The following KIF1B variants were observed in gnomAD, a reference collection of about 807,000 sequenced individuals.
KIF1B encodes kinesin family member 1B, also known as kinesin-like protein KIF1B.
KIF1B carries 76 observed loss-of-function variants against 241.9 expected under a neutral mutation model. The observed-to-expected ratio is 0.31, with a 90% confidence interval of 0.26 to 0.38. The LOEUF (loss-of-function observed/expected upper bound fraction) is 0.38. Ranked by LOEUF, KIF1B falls within the 10% of genes least tolerant of loss-of-function variation. The pLI is 1.00. For missense variants in KIF1B, 1,622 were observed against 2,271.4 expected, an observed-to-expected ratio of 0.71 and a Z score of 5.81; for synonymous variants, 750 against 796.7, an observed-to-expected ratio of 0.94 and a Z score of 0.99.
At chr1:10,313,255 A>G (rs1036624307) in intron 22 of KIF1B, among the ~76,000 whole-genome samples, 2 of 150,976 alleles carry the variant, frequency 1.3e-5, no homozygotes, top group African/African-American at 4.9e-5. Flanking sequence ...TTTAGTAGAG[A>G]TGAGTTTTGC....
chr1:10,235,548 C>G (rs1412606273), intron 2 of KIF1B, among the ~76,000 whole-genome samples: 3 of 152,036 alleles, frequency 2.0e-5, no homozygotes, highest in Non-Finnish European at 4.4e-5. Flanking sequence ...CTGCTGCACC[C>G]AGCCAAAAAA....
At chr1:10,336,369 G>A (rs1472152973) in intron 28 of KIF1B, among the ~76,000 whole-genome samples, 5 of 152,074 alleles carry the variant, frequency 3.3e-5, no homozygotes, top group African/African-American at 7.2e-5. Context: ...GGCTGGTCTC[G>A]AACTCCTGAC....
intron 26 of KIF1B, among the ~76,000 whole-genome samples, chr1:10,325,872 G>A (rs1651703350): frequency 1.3e-5 from 2 of 152,150 alleles, no homozygotes; most frequent in Admixed American, 6.5e-5. Flanking sequence ...GTCTACTCAC[G>A]TGTTTCCTTT....
chr1:10,376,625 T>TA lies in KIF1B; in HGVS notation c.*41dup, dbSNP rs747738680. 53 of 1,594,796 alleles carry TA rather than the reference T, an allele frequency of 3.3e-5. No individual in the cohort carries two copies. Among genetic ancestry groups the TA allele is most frequent in the Non-Finnish European group, 4.4e-5 (51 of 1,162,624 alleles). Reference sequence around the variant, plus strand: ...AGTGCCCTCACTCGCCTTCGAGAGATAAAGAAAGCGTTACCTCTCATTTCT... The same window carrying TA: ...AGTGCCCTCACTCGCCTTCGAGAGATAAAAGAAAGCGTTACCTCTCATTTCT... On this transcript the variant is annotated 3_prime_UTR_variant, in exon 49 of 49. Transcript: ENST00000676179.
At position 10,376,842 on chromosome 1, in the gene KIF1B, C is replaced by T; in HGVS notation, c.*255C>T. The T allele has an allele frequency of 4.4e-6, 2 of 456,968 alleles. No homozygotes were observed. The highest frequency in any genetic ancestry group is 8.1e-6 in the Non-Finnish European group (2 of 245,698). 28.3% of individuals were successfully genotyped at this position (456,968 alleles called of 1,614,324 possible). On this transcript the variant is annotated 3_prime_UTR_variant, in exon 49 of 49. Coordinates refer to ENST00000676179, the MANE Select transcript of KIF1B (RefSeq NM_001365951.3). ...AGGAAAAAATGTTTTTAAACACACA[C>T]ACACACACACACACACACACACACA...
chr1:10,321,970 GCT>G lies in KIF1B; in HGVS notation c.2358+114_2358+115del. On this transcript the variant is annotated intron_variant, in intron 24 of 48. Coordinates refer to ENST00000676179, the MANE Select transcript of KIF1B (RefSeq NM_001365951.3). ...CTTTGGGGGAACTCAGCTGCTTTGT[GCT>G]ATAAAACAGCTTTATATATGTCTTT... 4 of 1,104,928 alleles carry G rather than the reference GCT, an allele frequency of 3.6e-6. No homozygotes were observed. The South Asian group carries it at 5.3e-5, about 15-fold the overall frequency. The allele number at this position is 1,104,928 out of a possible 1,614,324, so 68.4% of individuals were successfully genotyped here. A position where few individuals can be genotyped will look rare whatever the true frequency, so the allele number is the denominator to read the frequency against.
intron 22 of KIF1B, among the ~76,000 whole-genome samples, chr1:10,312,115 C>G (rs976643436): frequency 7.5e-5 from 10 of 132,822 alleles, no homozygotes; most frequent in Non-Finnish European, 1.3e-4. Context: ...ACCCTGAGCT[C>G]TAGATGCTGA....
chr1:10,244,898 C>T (rs1407614298), intron 2 of KIF1B, among the ~76,000 whole-genome samples: 1 of 152,198 alleles, frequency 6.6e-6, no homozygotes, highest in Non-Finnish European at 1.5e-5. Flanking sequence ...AGGCATGAGC[C>T]ACCGCGCCCG....
intron 45 of KIF1B, among the ~76,000 whole-genome samples, chr1:10,372,731 G>A (rs994060471): frequency 6.9e-6 from 1 of 145,860 alleles, no homozygotes; most frequent in Non-Finnish European, 1.5e-5. Flanking sequence ...CCAGGTTCAC[G>A]CCATTCTCCT....
At chr1:10,288,654 A>G (rs912962) in intron 15 of KIF1B, among the ~76,000 whole-genome samples, 1 of 151,936 alleles carries the variant, frequency 6.6e-6, no homozygotes, top group South Asian at 2.1e-4. Context: ...TTCCTTCTTT[A>G]ATCTGTTTTG....
intron 2 of KIF1B, among the ~76,000 whole-genome samples, chr1:10,240,806 C>T (rs1031806520): frequency 1.4e-5 from 2 of 145,776 alleles, no homozygotes; most frequent in Non-Finnish European, 3.0e-5. Context: ...CCAAGTAATC[C>T]TCCTACCTTG....
At chr1:10,354,663 T>C (rs1652912624) in intron 38 of KIF1B, among the ~76,000 whole-genome samples, 2 of 152,302 alleles carry the variant, frequency 1.3e-5, no homozygotes, top group East Asian at 3.9e-4. Context: ...TAATAATAAG[T>C]ACAACTGGCA....
intron 22 of KIF1B, chr1:10,308,102 C>T: frequency 9.4e-7 from 1 of 1,060,208 alleles, no homozygotes; most frequent in Non-Finnish European, 1.1e-6. Context: ...GTTACATAGA[C>T]TTCCTGCAGT....
At chr1:10,318,344 G>T (rs544566702) in intron 22 of KIF1B, among the ~76,000 whole-genome samples, 1 of 151,622 alleles carries the variant, frequency 6.6e-6, no homozygotes, top group East Asian at 1.9e-4. Flanking sequence ...GTGGGACTTG[G>T]AGAGCTCTGT....
intron 5 of KIF1B, among the ~76,000 whole-genome samples, chr1:10,263,000 G>A (rs1436358399): frequency 6.6e-6 from 1 of 151,974 alleles, no homozygotes; most frequent in Non-Finnish European, 1.5e-5. Flanking sequence ...TTTTGTATGT[G>A]CTTAAAGAAG....
chr1:10,220,584 G>A (rs373193723), intron 1 of KIF1B, among the ~76,000 whole-genome samples: 1 of 152,114 alleles, frequency 6.6e-6, no homozygotes, highest in African/African-American at 2.4e-5. Flanking sequence ...GTACAGCCAA[G>A]GAGTTTTGAG....
intron 2 of KIF1B, among the ~76,000 whole-genome samples, chr1:10,234,314 T>C (rs921980937): frequency 4.6e-5 from 7 of 151,316 alleles, no homozygotes; most frequent in Admixed American, 1.3e-4. Flanking sequence ...TTCAAGCGAT[T>C]CTCCTGCCTC....
intron 5 of KIF1B, among the ~76,000 whole-genome samples, chr1:10,266,252 C>T (rs1363055676): frequency 1.3e-5 from 2 of 152,346 alleles, no homozygotes; most frequent in Middle Eastern, 3.4e-3. Flanking sequence ...CTAGAACACT[C>T]AAGCCATTCG....
intron 15 of KIF1B, 63 bp from the exon 16 acceptor site, chr1:10,291,019 T>A: frequency 7.5e-7 from 1 of 1,326,276 alleles, no homozygotes; most frequent in South Asian, 1.2e-5. Context: ...TTCTTGCTTT[T>A]CTAGCATGGT....
Sources: gnomAD v4.1 joint callset for allele counts (sites outside exome capture counted in the v4.1 genomes callset) on GRCh38, gnomAD v4.1.1 for gene constraint, MANE v1.5 for transcripts, NCBI Gene and HGNC (gene_info 2026-07-23, HGNC 2026-07-21) for gene names.